The following KCNJ15 variants were observed in gnomAD, a reference collection of about 807,000 sequenced individuals.
KCNJ15 encodes ATP-sensitive inward rectifier potassium channel 15.
A neutral mutation model predicts 23.0 loss-of-function variants in KCNJ15; 14 were observed. The observed-to-expected ratio is 0.61, with a 90% CI of 0.40 to 0.95. KCNJ15 has a LOEUF of 0.95. Among genes scored for constraint, KCNJ15 ranks in the 40% least tolerant of loss-of-function variants. The pLI is 0.00. For missense variants in KCNJ15, 388 were observed against 461.8 expected, an observed-to-expected ratio of 0.84 and a Z score of 1.46; for synonymous variants, 185 against 183.2, an observed-to-expected ratio of 1.01 and a Z score of -0.08.
rs115024006 is a variant in KCNJ15 at position 38,243,145 on chromosome 21, G to A, written c.-398-13901G>A. ...GTTAAGATTTTGTGTGGCTTTTTGA[G>A]CTTTGACACTTTAAAATTGTTTATC... On this transcript the variant is annotated intron_variant, in intron 1 of 4. Transcript: ENST00000547341. Among the ~76,000 whole-genome samples the A allele has an allele frequency of 3.6e-3, 544 of 151,902 alleles. 5 individuals carry two copies. Among genetic ancestry groups the A allele is most frequent in the African/African-American group, 0.012 (513 of 41,488 alleles).
chr21:38,306,985 T>A lies in KCNJ15; in HGVS notation c.*6596T>A, dbSNP rs1986079711. The A allele has an allele frequency of 6.6e-6, 1 of 152,218 alleles. No homozygotes were observed. The highest frequency in any genetic ancestry group is 2.4e-5 in the African/African-American group (1 of 41,460). The allele number at this position is 152,218 out of a possible 1,614,324, so 9.4% of individuals were successfully genotyped here. A position where few individuals can be genotyped will look rare whatever the true frequency, so the allele number is the denominator to read the frequency against. On this transcript the variant is annotated 3_prime_UTR_variant, in exon 3 of 3. Transcript: ENST00000398938. ...TCACACTTAGGTCTCTTGCTATATATAGAACCACATCTGATCCTTATACAG... is the reference window on the plus strand; with the variant it reads ...TCACACTTAGGTCTCTTGCTATATAAAGAACCACATCTGATCCTTATACAG...
chr21:38,232,608 T>C (rs1028144413), intron 1 of KCNJ15, among the ~76,000 whole-genome samples: 3 of 152,040 alleles, frequency 2.0e-5, no homozygotes, highest in African/African-American at 7.2e-5. Context: ...TTCTAAACAT[T>C]GCTTTAACTG....
At position 38,306,073 on chromosome 21, in the gene KCNJ15, A is replaced by G. The variant is rs1986045327; in HGVS notation, c.*5684A>G. On this transcript the variant is annotated 3_prime_UTR_variant, in exon 3 of 3. Coordinates refer to ENST00000398938, the MANE Select transcript of KCNJ15 (RefSeq NM_170736.3). ...TCAAAGTCGCCCTCCACGTGGGTGC[A>G]CAGGAGCCCAGATTCTCAAGCCCCA... The G allele has an allele frequency of 6.6e-6, 1 of 152,212 alleles. No individual in the cohort carries two copies. 9.4% of individuals were successfully genotyped at this position (152,212 alleles called of 1,614,324 possible).
chr21:38,281,159 G>T (rs1342031837), intron 1 of KCNJ15, among the ~76,000 whole-genome samples: 2 of 152,088 alleles, frequency 1.3e-5, no homozygotes, highest in African/African-American at 2.4e-5. Context: ...ATCAGTATTG[G>T]TGTGAAGCAA....
In KCNJ15 at chr21:38,234,664, A is replaced by G. The variant is rs1978483779; in HGVS notation, c.-398-22382A>G. ...AACTGCTTCAATGTCTGATATTCCT[A>G]TGGTTATAGAGAACCAACATGAATA... On this transcript the variant is annotated intron_variant, in intron 1 of 4. Coordinates refer to the KCNJ15 transcript ENST00000547341. Among the ~76,000 whole-genome samples, 6 of 152,246 alleles carry G rather than the reference A, an allele frequency of 3.9e-5. 1 individual carries two copies. In the South Asian group the frequency reaches 1.0e-3, roughly 26 times the overall value.
At chr21:38,251,884 A>G (rs1178049649), upstream of KCNJ15, among the ~76,000 whole-genome samples, 1 of 152,138 alleles carries the variant, frequency 6.6e-6, no homozygotes. Flanking sequence ...ATTTTTGGAT[A>G]ATTTTTGAAC....
intron 1 of KCNJ15, chr21:38,296,489 G>A (rs1454280307): frequency 6.6e-6 from 1 of 152,212 alleles, no homozygotes; most frequent in East Asian, 1.9e-4. Context: ...AAGTGGGATG[G>A]TTCTGACAAT....
chr21:38,256,216 A>G (rs1487847901), upstream of KCNJ15, among the ~76,000 whole-genome samples: 1 of 151,940 alleles, frequency 6.6e-6, no homozygotes, highest in Non-Finnish European at 1.5e-5. Context: ...TTCCATTAGA[A>G]GCCTTCTTCA....
intron 1 of KCNJ15, among the ~76,000 whole-genome samples, chr21:38,246,277 G>A (rs1979369199): frequency 6.6e-6 from 1 of 152,194 alleles, no homozygotes; most frequent in South Asian, 2.1e-4. Context: ...AATGCCCACT[G>A]AAGAAGTCTT....
chr21:38,252,799 T>C (rs1323820879), upstream of KCNJ15, among the ~76,000 whole-genome samples: 4 of 152,210 alleles, frequency 2.6e-5, no homozygotes, highest in Non-Finnish European at 4.4e-5. Flanking sequence ...TTAACCATCA[T>C]AGCCAGTGCT....
chr21:38,264,569 T>C (rs1224670434), intron 1 of KCNJ15, among the ~76,000 whole-genome samples: 4 of 152,280 alleles, frequency 2.6e-5, no homozygotes, highest in African/African-American at 9.6e-5. Context: ...GGCACTGACA[T>C]GAAAGGCATA....
chr21:38,273,141 TTATA>T (rs1463368952), intron 1 of KCNJ15, among the ~76,000 whole-genome samples: 1 of 152,200 alleles, frequency 6.6e-6, no homozygotes, highest in African/African-American at 2.4e-5. Flanking sequence ...TCTTTCAAGA[TTATA>T]TATAGTATTA....
intron 1 of KCNJ15, among the ~76,000 whole-genome samples, chr21:38,232,443 A>G (rs1017200885): frequency 1.3e-5 from 2 of 151,780 alleles, no homozygotes; most frequent in African/African-American, 4.8e-5. Context: ...TCTTTATTGC[A>G]TTAATTAGTG....
intron 1 of KCNJ15, among the ~76,000 whole-genome samples, chr21:38,241,478 C>T (rs1019971014): frequency 1.3e-5 from 2 of 152,186 alleles, no homozygotes; most frequent in African/African-American, 2.4e-5. Context: ...TGGGACAGCA[C>T]GGTGGAATTT....
intron 1 of KCNJ15, among the ~76,000 whole-genome samples, chr21:38,276,110 A>T (rs1982661607): frequency 6.6e-6 from 1 of 151,860 alleles, no homozygotes; most frequent in Non-Finnish European, 1.5e-5. Context: ...TGTCCATGGG[A>T]TACTGTTAAG....
chr21:38,274,333 G>GT (rs1275623181), intron 1 of KCNJ15, among the ~76,000 whole-genome samples: 1 of 152,190 alleles, frequency 6.6e-6, no homozygotes, highest in Non-Finnish European at 1.5e-5. Flanking sequence ...TTACACCAAA[G>GT]TGCCATACCA....
intron 1 of KCNJ15, among the ~76,000 whole-genome samples, chr21:38,279,188 T>G: frequency 6.6e-6 from 1 of 151,720 alleles, no homozygotes; most frequent in African/African-American, 2.4e-5. Flanking sequence ...AGGAAGGGAG[T>G]TGCCCTGGGT....
chr21:38,288,712 T>C lies in KCNJ15; in HGVS notation c.-116-8214T>C, dbSNP rs138489138. On this transcript the variant is annotated intron_variant, in intron 1 of 2. Transcript: ENST00000398938. ...TCAACATCTTAGTGAGAGAGATAGA[T>C]TTACTTAAGGGAAAGTCAGTTTGGA... Among the ~76,000 whole-genome samples, 129 of 152,304 alleles carry C rather than the reference T, an allele frequency of 8.5e-4. No homozygotes were observed. The East Asian group carries it at 0.024, about 28-fold the overall frequency.
chr21:38,268,808 T>C (rs907362929), intron 1 of KCNJ15: 1 of 152,154 alleles, frequency 6.6e-6, no homozygotes, highest in Admixed American at 6.5e-5. Flanking sequence ...TTATGGGGCA[T>C]ATGGGAAAGA....
Sources: allele counts gnomAD v4.1 joint callset (sites outside exome capture counted in the v4.1 genomes callset), GRCh38; gene constraint gnomAD v4.1.1; transcripts MANE v1.5; gene names NCBI Gene and HGNC (gene_info 2026-07-23, HGNC 2026-07-21).